The following LRP4 variants were observed in gnomAD, a reference collection of about 807,000 sequenced individuals.
LRP4 encodes the protein LDL receptor related protein 4.
In LRP4, 95 loss-of-function variants were observed where a neutral mutation model predicts 220.3. The ratio of observed to expected loss-of-function variants is 0.43; its 90% CI spans 0.37 to 0.51. LRP4 has a LOEUF of 0.51. Ranked by LOEUF, LRP4 falls within the 20% of genes least tolerant of loss-of-function variation. The pLI is 0.00. For missense variants in LRP4, 1,925 were observed against 2,567.0 expected (o/e 0.75, Z 5.40); for synonymous variants, 903 against 954.6 (o/e 0.95, Z 1.00).
chr11:46,879,431 C>T (rs944327031), intron 20 of LRP4, 116 bp from the exon 21 acceptor site: 13 of 962,678 alleles, frequency 1.4e-5, no homozygotes, highest in African/African-American at 1.3e-4. Context: ...ACTGGGTGAC[C>T]TCCAGTAAGA....
chr11:46,859,750 G>C (rs1323501211), intron 37 of LRP4, among the ~76,000 whole-genome samples: 4 of 152,192 alleles, frequency 2.6e-5, no homozygotes, highest in Non-Finnish European at 5.9e-5. Context: ...TAACATGTTA[G>C]CTATGTTACA....
At chr11:46,866,292 T>G (rs919290193) in intron 34 of LRP4, among the ~76,000 whole-genome samples, 2 of 147,738 alleles carry the variant, frequency 1.4e-5, no homozygotes, top group African/African-American at 2.5e-5. Context: ...TTGTTTTTTG[T>G]TTTTTTTTTG....
Position 46,879,108 on chromosome 11 carries a change from G to A in LRP4, c.3004+18C>T, listed in dbSNP as rs2306028. On this transcript the variant is annotated intron_variant, in intron 21 of 37. Transcript: ENST00000378623. Reference sequence around the variant, plus strand: ...AGGAGGGCCACGGAGAAGCCAATGCGAGCCAAGGGCTGCTCACCTGGGGGC... The same window carrying A: ...AGGAGGGCCACGGAGAAGCCAATGCAAGCCAAGGGCTGCTCACCTGGGGGC... 5.2e-5 allele frequency: 84 copies of A among 1,614,152 alleles called. No homozygotes were observed. In the African/African-American group the frequency reaches 8.5e-4, roughly 16 times the overall value.
intron 2 of LRP4, 143 bp downstream of exon 2, chr11:46,902,640 T>C: frequency 2.1e-6 from 2 of 931,414 alleles, no homozygotes; most frequent in Non-Finnish European, 3.4e-6. Flanking sequence ...ACTACCCAAA[T>C]GTCAATATCT....
intron 18 of LRP4, 120 bp from the exon 19 acceptor site, chr11:46,884,096 T>C: frequency 2.6e-6 from 2 of 761,618 alleles, no homozygotes; most frequent in Non-Finnish European, 2.3e-6. Context: ...TCAAAAGATA[T>C]TTTGTGACAG....
chr11:46,858,617 C>T lies in LRP4; in HGVS notation c.*366G>A. 1 of 362,232 alleles carries T rather than the reference C, an allele frequency of 2.8e-6. No individual in the cohort carries two copies. 22.4% of individuals were successfully genotyped at this position (362,232 alleles called of 1,614,324 possible). A position where few individuals can be genotyped will look rare whatever the true frequency, so the allele number is the denominator to read the frequency against. On this transcript the variant is annotated 3_prime_UTR_variant, in exon 38 of 38. Transcript: ENST00000378623. ...TGGCTGTGATGGGGCAGAGCGCAGT[C>T]CTGGGTCATCAGCTGCATCAGCACT...
At chr11:46,897,809 A>G (rs1401932146) in intron 7 of LRP4, among the ~76,000 whole-genome samples, 1 of 152,202 alleles carries the variant, frequency 6.6e-6, no homozygotes, top group African/African-American at 2.4e-5. Flanking sequence ...CGATTTCTCA[A>G]TCTTTTCCCC....
At chr11:46,868,514 A>T in intron 33 of LRP4, 86 bp downstream of exon 33, 1 of 957,718 alleles carries the variant, frequency 1.0e-6, no homozygotes, top group Non-Finnish European at 1.7e-6. Context: ...ACCCAGAAGG[A>T]CAGATCAGAC....
intron 31 of LRP4, among the ~76,000 whole-genome samples, chr11:46,869,750 T>A (rs1294706773): frequency 6.6e-6 from 1 of 152,182 alleles, no homozygotes; most frequent in Non-Finnish European, 1.5e-5. Flanking sequence ...TATGCAGTAG[T>A]ACCCTGTAGT....
rs766174802 is a variant in LRP4, at chr11:46,900,288, T to A, written c.290A>T (p.Glu97Val). The change falls in exon 3 of 38, where the codon GAG (glutamate) becomes GTG (valine). Residue 97 changes from glutamate (E) to valine (V), a missense_variant. Coordinates refer to ENST00000378623, the MANE Select transcript of LRP4 (RefSeq NM_002334.4). ...ACAGTCCTGCTCATCCGAGTCATCC[T>A]CACAGTCGTTGTCCCCGTCACACAC... Reference protein sequence around the residue: ...SWVCDGDNDCEDDSDEQDCPP... With the variant: ...SWVCDGDNDCVDDSDEQDCPP... 14 of 1,613,948 alleles carry A rather than the reference T, an allele frequency of 8.7e-6. No individual in the cohort carries two copies. Among genetic ancestry groups the A allele is most frequent in the Non-Finnish European group, 1.2e-5 (14 of 1,179,944 alleles).
In LRP4 at chr11:46,876,579, T is replaced by G. The variant is rs545226631; in HGVS notation, c.3423A>C (p.Thr1141=). 1 of 1,614,236 alleles carries G rather than the reference T, an allele frequency of 6.2e-7. No individual in the cohort carries two copies. The highest frequency in any genetic ancestry group is 1.3e-5 in the African/African-American group (1 of 75,074). ...VDAIGRKVYW[T]DTGTNRIEVG... ...CTTCAATCCGGTTTGTTCCCGTGTC[T>G]GTCCAGTATACTTTCCGGCCAATGG... The change falls in exon 25 of 38, where the codon ACA becomes ACC. Residue 1141 remains threonine (T), a synonymous_variant. Coordinates refer to ENST00000378623, the MANE Select transcript of LRP4 (RefSeq NM_002334.4).
intron 35 of LRP4, among the ~76,000 whole-genome samples, 199 bp from the exon 36 acceptor site, chr11:46,864,734 C>T (rs1940650841): frequency 6.6e-6 from 1 of 152,300 alleles, no homozygotes; most frequent in East Asian, 1.9e-4. Flanking sequence ...ACTCTGCCAG[C>T]ATCTCTGATC....
Position 46,859,182 on chromosome 11 carries a change from T to C in LRP4, c.5519A>G (p.His1840Arg), listed in dbSNP as rs148761432. Residue 1840 changes from histidine (H) to arginine (R), a missense_variant, in exon 38 of 38, where the codon CAT becomes CGT. Physicochemically the swap from His to Arg is conservative, Grantham distance 29. Transcript: ENST00000378623. ...CACCGTGTCTGTCTTCATGCATACA[T>C]GATCCCGGAGGAGGCCCCCCCGTGA... ...RSSRGGLLRD[H>R]VCMKTDTVSI... 10 of 1,614,070 alleles carry C rather than the reference T, an allele frequency of 6.2e-6. No individual in the cohort carries two copies. The African/African-American group carries it at 9.3e-5, about 15-fold the overall frequency.
chr11:46,868,859 T>G, intron 32 of LRP4, 129 bp downstream of exon 32: 1 of 1,394,464 alleles, frequency 7.2e-7, no homozygotes, highest in Non-Finnish European at 1.0e-6. Flanking sequence ...AGTAAAAAGT[T>G]CTAAGCGTTT....
Position 46,890,911 on chromosome 11 carries a change from TG to T in LRP4, c.1698-418del, listed in dbSNP as rs1487412500. Among the ~76,000 whole-genome samples the T allele has an allele frequency of 6.6e-6, 1 of 151,970 alleles. No homozygotes were observed. The highest frequency in any genetic ancestry group is 2.4e-5 in the African/African-American group (1 of 41,390). On this transcript the variant is annotated intron_variant, in intron 13 of 37. Transcript: ENST00000378623. This position sits in a 1 kb window ranked among gnomAD's most constrained non-coding sequence, Gnocchi z 5.3. ...GCCCAGCCTCAGAATGCTTTTTAAGTGTCTGAGTTTAAATGTCTTTAGACAG... is the reference window on the plus strand; with the variant it reads ...GCCCAGCCTCAGAATGCTTTTTAAGTTCTGAGTTTAAATGTCTTTAGACAG...
Position 46,883,980 on chromosome 11 carries a change from T to C in LRP4, c.2507-4A>G. On this transcript the variant is annotated splice_polypyrimidine_tract_variant and splice_region_variant and intron_variant, in intron 18 of 37. Coordinates refer to ENST00000378623, the MANE Select transcript of LRP4 (RefSeq NM_002334.4). ...GCTACTTCAATCCGGTCTGTACCTA[T>C]CAAGAAGGGATACAGAGATTAATTC... The C allele has an allele frequency of 6.2e-7, 1 of 1,606,956 alleles. No homozygotes were observed. Among genetic ancestry groups the C allele is most frequent in the Non-Finnish European group, 8.5e-7 (1 of 1,173,426 alleles).
In LRP4 at chr11:46,875,789, G is replaced by C; in HGVS notation, c.3699+15C>G. The C allele has an allele frequency of 6.2e-7, 1 of 1,614,010 alleles. No individual in the cohort carries two copies. Among genetic ancestry groups the C allele is most frequent in the Non-Finnish European group, 8.5e-7 (1 of 1,179,996 alleles). On this transcript the variant is annotated intron_variant, in intron 26 of 37. Transcript: ENST00000378623. This position sits in a 1 kb window ranked among gnomAD's most constrained non-coding sequence, Gnocchi z 4.5. ...TTCCCAGGCTCCTGGGAAGCAGCAGGGACACGGCTCTCACCTCGGTGTGGG... is the reference window on the plus strand; with the variant it reads ...TTCCCAGGCTCCTGGGAAGCAGCAGCGACACGGCTCTCACCTCGGTGTGGG...
chr11:46,890,153 C>T lies in LRP4; in HGVS notation c.1916-33G>A, dbSNP rs2306036. 0.81 allele frequency: 1,303,659 copies of T among 1,612,562 alleles called. 534,985 individuals carry two copies. Among genetic ancestry groups the T allele is most frequent in the Middle Eastern group, 0.85 (5,070 of 5,958 alleles). ...AAGTCCAGGAAGACCTCAGTCTGGA[C>T]GTGGTCTGCCATGTCCCCTGGGCCC... On this transcript the variant is annotated intron_variant, in intron 14 of 37. Coordinates refer to ENST00000378623, the MANE Select transcript of LRP4 (RefSeq NM_002334.4). This position sits in a 1 kb window ranked among gnomAD's most constrained non-coding sequence, Gnocchi z 5.3.
intron 15 of LRP4, 21 bp downstream of exon 15, chr11:46,889,923 A>G (rs762384714): frequency 6.2e-7 from 1 of 1,614,124 alleles, no homozygotes; most frequent in Admixed American, 1.7e-5. Context: ...ACTTTGGCTC[A>G]CCCGGTGGGC....
Sources: gnomAD v4.1 joint callset for allele counts (sites outside exome capture counted in the v4.1 genomes callset) on GRCh38, gnomAD v4.1.1 for gene constraint, Gnocchi (gnomAD v3.1) non-coding constraint, MANE v1.5 for transcripts, NCBI Gene and HGNC (gene_info 2026-07-23, HGNC 2026-07-21) for gene names.